NHLRC2: variants seen among roughly 807,000 people sequenced by gnomAD.
The protein encoded by NHLRC2 is NHL repeat containing 2, also known as NHL repeat-containing protein 2.
In NHLRC2, 33 loss-of-function variants were observed where a neutral mutation model predicts 68.1. That is an observed-to-expected ratio of 0.48 (90% CI 0.37 to 0.65). The LOEUF (loss-of-function observed/expected upper bound fraction) is 0.65. Among genes scored for constraint, NHLRC2 ranks in the 30% least tolerant of loss-of-function variants. The pLI is 0.00. For synonymous variants in NHLRC2, 311 were observed against 309.6 expected (o/e 1.00, Z -0.05); for missense variants, 761 against 853.8 (o/e 0.89, Z 1.35).
chr10:113,905,519 A>G (rs1488014319), intron 10 of NHLRC2, among the ~76,000 whole-genome samples: 2 of 152,204 alleles, frequency 1.3e-5, no homozygotes, highest in Non-Finnish European at 2.9e-5. Context: ...GTAAGGAATC[A>G]GTATACTGCT....
At chr10:113,875,408 A>G (rs911690279) in intron 2 of NHLRC2, among the ~76,000 whole-genome samples, 1 of 152,114 alleles carries the variant, frequency 6.6e-6, no homozygotes, top group African/African-American at 2.4e-5. Flanking sequence ...CACCTTCCCC[A>G]GCTGTTCTCC....
rs949986691 is a variant in NHLRC2 at position 113,911,488 on chromosome 10, T to G, written c.*2952T>G. On this transcript the variant is annotated 3_prime_UTR_variant, in exon 11 of 11. Coordinates refer to ENST00000369301, the MANE Select transcript of NHLRC2 (RefSeq NM_198514.4). ...AATCCTAACAGCCAGAAAAAAAAAT[T>G]TACTATGTGTATATTTATATAGGTG... 10 of 152,102 alleles carry G rather than the reference T, an allele frequency of 6.6e-5. No homozygotes were observed. Among genetic ancestry groups the G allele is most frequent in the African/African-American group, 2.4e-4 (10 of 41,454 alleles). 9.4% of individuals were successfully genotyped at this position (152,102 alleles called of 1,614,324 possible). A position where few individuals can be genotyped will look rare whatever the true frequency, so the allele number is the denominator to read the frequency against.
intron 4 of NHLRC2, among the ~76,000 whole-genome samples, chr10:113,882,818 T>A (rs1226697496): frequency 6.6e-6 from 1 of 151,904 alleles, no homozygotes; most frequent in African/African-American, 2.4e-5. Context: ...GTCTTTTAGT[T>A]ATGGCTCTTA....
At chr10:113,874,896 T>G (rs1260926608) in intron 2 of NHLRC2, among the ~76,000 whole-genome samples, 2 of 152,076 alleles carry the variant, frequency 1.3e-5, no homozygotes, top group Non-Finnish European at 2.9e-5. Context: ...TTTTAGTTAC[T>G]TTTTATAATT....
At chr10:113,901,923 G>A (rs369452304) in intron 7 of NHLRC2, 26 bp downstream of exon 7, 2 of 1,465,686 alleles carry the variant, frequency 1.4e-6, no homozygotes, top group South Asian at 2.3e-5. Context: ...CTTGCACAGT[G>A]CGCTCGGACA....
chr10:113,879,663 G>T lies in NHLRC2; in HGVS notation c.877G>T (p.Val293Leu), dbSNP rs1444427822. ...GVAIMNNIIY[V>L]ADTENHLIRK... ...AGCCATAATGAATAATATCATATAT[G>T]TGGCAGACACTGAAAACCACCTTAT... The change falls in exon 4 of 11, where the codon GTG becomes TTG. Residue 293 changes from valine (V) to leucine (L), a missense_variant. Val to Leu is a conservative substitution (Grantham distance 32). Transcript: ENST00000369301. 5 of 1,548,888 alleles carry T rather than the reference G, an allele frequency of 3.2e-6. No individual in the cohort carries two copies. The highest frequency in any genetic ancestry group is 4.4e-6 in the Non-Finnish European group (5 of 1,134,122).
At chr10:113,887,979 C>T (rs564487985) in intron 5 of NHLRC2, among the ~76,000 whole-genome samples, 2 of 152,216 alleles carry the variant, frequency 1.3e-5, no homozygotes, top group East Asian at 3.9e-4. Context: ...CCTATAATCC[C>T]AGCACTTTGG....
At position 113,903,887 on chromosome 10, in the gene NHLRC2, A is replaced by G. The variant is rs562311357; in HGVS notation, c.1704+151A>G. The G allele has an allele frequency of 4.4e-4, 262 of 598,558 alleles. 1 individual carries two copies. The South Asian group carries it at 5.1e-3, about 12-fold the overall frequency. 37.1% of individuals were successfully genotyped at this position (598,558 alleles called of 1,614,324 possible). The stretch of plus-strand genomic sequence containing the variant: ...TGTATTCTTTGACAAAGAGACCAGC[A>G]GGACTGCTTTAAGGATATCCTTTTA... On this transcript the variant is annotated intron_variant, in intron 9 of 10. Transcript: ENST00000369301.
At chr10:113,858,075 G>A (rs966584738) in intron 1 of NHLRC2, among the ~76,000 whole-genome samples, 7 of 131,336 alleles carry the variant, frequency 5.3e-5, no homozygotes, top group African/African-American at 2.0e-4. Flanking sequence ...TAAGTGTGTT[G>A]CCTTTACTCC....
At chr10:113,902,437 A>C (rs777336008) in intron 7 of NHLRC2, 34 bp from the exon 8 acceptor site, 1 of 1,368,410 alleles carries the variant, frequency 7.3e-7, no homozygotes, top group African/African-American at 1.5e-5. Flanking sequence ...AATTATAATA[A>C]CTGCTGTTTC....
In NHLRC2 at chr10:113,911,777, A is replaced by G. The variant is rs937900884; in HGVS notation, c.*3241A>G. On this transcript the variant is annotated 3_prime_UTR_variant, in exon 11 of 11. Coordinates refer to ENST00000369301, the MANE Select transcript of NHLRC2 (RefSeq NM_198514.4). Reference sequence around the variant, plus strand: ...AATCATCAAAATCTACTTAAATTCTATAGTTAACAGTTACATAAGAATATA... The same window carrying G: ...AATCATCAAAATCTACTTAAATTCTGTAGTTAACAGTTACATAAGAATATA... 1.3e-5 allele frequency: 2 copies of G among 152,182 alleles called. No homozygotes were observed. The highest frequency in any genetic ancestry group is 4.8e-5 in the African/African-American group (2 of 41,470). The allele number at this position is 152,182 out of a possible 1,614,324, so 9.4% of individuals were successfully genotyped here. A position where few individuals can be genotyped will look rare whatever the true frequency, so the allele number is the denominator to read the frequency against.
intron 6 of NHLRC2, among the ~76,000 whole-genome samples, chr10:113,898,620 A>G (rs1212090385): frequency 1.3e-5 from 2 of 152,158 alleles, no homozygotes; most frequent in Non-Finnish European, 2.9e-5. Flanking sequence ...CATTCTCCTT[A>G]CTGTCTAGAA....
chr10:113,902,939 G>C (rs1447757150), intron 8 of NHLRC2, among the ~76,000 whole-genome samples: 4 of 152,184 alleles, frequency 2.6e-5, no homozygotes, highest in Non-Finnish European at 5.9e-5. Context: ...TTTTTGAGCT[G>C]TTGCATAGTT....
Position 113,865,517 on chromosome 10 carries a change from G to T in NHLRC2, c.331+6837G>T, listed in dbSNP as rs538398570. 4.0e-4 allele frequency among the ~76,000 whole-genome samples: 61 copies of T among 150,836 alleles called. 1 individual carries two copies. Among genetic ancestry groups the T allele is most frequent in the Middle Eastern group, 7.0e-3 (2 of 286 alleles). ...GAATATTGGAAAAAAGGAAAAGCAC[G>T]AGAAATAGTTGAGAATGCCATTGTG... On this transcript the variant is annotated intron_variant, in intron 2 of 10. Transcript: ENST00000369301.
intron 6 of NHLRC2, among the ~76,000 whole-genome samples, chr10:113,899,472 T>G (rs907640780): frequency 3.9e-5 from 6 of 152,220 alleles, no homozygotes; most frequent in African/African-American, 1.4e-4. Context: ...ATTTAATCGT[T>G]TAGCAAATAT....
rs1846300938 is a variant in NHLRC2 at position 113,909,065 on chromosome 10, A to G, written c.*529A>G. On this transcript the variant is annotated 3_prime_UTR_variant, in exon 11 of 11. Coordinates refer to ENST00000369301, the MANE Select transcript of NHLRC2 (RefSeq NM_198514.4). The stretch of plus-strand genomic sequence containing the variant: ...ATCACTGTAGAAGCTTAAGGAGTAC[A>G]TCAGTGGTAAATACGATCTTTATTC... 1 of 152,832 alleles carries G rather than the reference A, an allele frequency of 6.5e-6. No homozygotes were observed. The highest frequency in any genetic ancestry group is 6.5e-5 in the Admixed American group (1 of 15,362). 9.5% of individuals were successfully genotyped at this position (152,832 alleles called of 1,614,324 possible). A position where few individuals can be genotyped will look rare whatever the true frequency, so the allele number is the denominator to read the frequency against.
At chr10:113,894,578 T>C (rs1029503939) in intron 5 of NHLRC2, among the ~76,000 whole-genome samples, 2 of 152,156 alleles carry the variant, frequency 1.3e-5, no homozygotes, top group African/African-American at 4.8e-5. Flanking sequence ...TTTCCTTCTT[T>C]GTTGCACAAA....
In NHLRC2 at chr10:113,884,325, A is replaced by G. The variant is rs367779390; in HGVS notation, c.984A>G (p.Ala328=). 1.9e-5 allele frequency: 30 copies of G among 1,610,696 alleles called. No homozygotes were observed. In the East Asian group the frequency reaches 3.4e-4, roughly 18 times the overall value. Residue 328 remains alanine (A), a synonymous_variant, in exon 5 of 11, where the codon GCA becomes GCG. Transcript: ENST00000369301. ...GIQGTDKEGG[A]KGEQQPISSP... ...AAGGTACAGATAAAGAAGGTGGAGC[A>G]AAAGGAGAACAACAACCCATTAGTT...
chr10:113,864,791 G>C (rs1181851472), intron 2 of NHLRC2, among the ~76,000 whole-genome samples: 2 of 151,964 alleles, frequency 1.3e-5, no homozygotes, highest in Admixed American at 1.3e-4. Flanking sequence ...ACCACTGGGA[G>C]GGTTACACTC....
Sources: allele counts gnomAD v4.1 joint callset (sites outside exome capture counted in the v4.1 genomes callset), GRCh38; gene constraint gnomAD v4.1.1; transcripts MANE v1.5; gene names NCBI Gene and HGNC (gene_info 2026-07-23, HGNC 2026-07-21).